NUP214: variants seen among roughly 807,000 people sequenced by gnomAD.
NUP214 encodes the protein nuclear pore complex protein Nup214.
NUP214 carries 79 observed loss-of-function variants against 196.2 expected under a neutral mutation model. The observed-to-expected ratio is 0.40, with a 90% CI of 0.34 to 0.49. The LOEUF (loss-of-function observed/expected upper bound fraction) is 0.49, where lower values mean the gene tolerates loss of function less well. Among genes scored for constraint, NUP214 ranks in the 20% least tolerant of loss-of-function variants. NUP214 has a pLI of 0.58. For missense variants in NUP214, 2,468 were observed against 2,539.0 expected (o/e 0.97, Z 0.60); for synonymous variants, 1,020 against 990.5 (o/e 1.03, Z -0.56).
rs142720685 is a variant in NUP214, at chr9:131,197,548, G to A, written c.4054G>A (p.Ala1352Thr). ...TGATTCTACAAAACCAACCAATAAGGCTTCATCCACAAGCCTAACTAGTAC... is the reference window on the plus strand; with the variant it reads ...TGATTCTACAAAACCAACCAATAAGACTTCATCCACAAGCCTAACTAGTAC... Reference protein sequence around the residue: ...ADDSTKPTNKASSTSLTSTQP... With the variant: ...ADDSTKPTNKTSSTSLTSTQP... Residue 1352 changes from alanine to threonine, a missense_variant, in exon 29 of 36, where the codon GCT becomes ACT. Physicochemically the swap from Ala to Thr is moderately conservative, Grantham distance 58 (BLOSUM62 0). Around this residue, in one of 5 missense-constraint regions of NUP214, gnomAD observed 1,801 missense variants for 1,779.4 expected, o/e 1.01. Coordinates refer to ENST00000359428, the MANE Select transcript of NUP214 (RefSeq NM_005085.4). The A allele has an allele frequency of 1.2e-6, 2 of 1,614,040 alleles. No individual in the cohort carries two copies. The highest frequency in any genetic ancestry group is 2.7e-5 in the African/African-American group (2 of 74,926).
Position 131,234,273 on chromosome 9 carries a change from AACC to A in NUP214, c.*789_*791del, listed in dbSNP as rs1330514549. 1 of 232,732 alleles carries A rather than the reference AACC, an allele frequency of 4.3e-6. No homozygotes were observed. The highest frequency in any genetic ancestry group is 8.5e-6 in the Non-Finnish European group (1 of 117,796). 14.4% of individuals were successfully genotyped at this position (232,732 alleles called of 1,614,324 possible). A position where few individuals can be genotyped will look rare whatever the true frequency, so the allele number is the denominator to read the frequency against. ...TAGCCACACCTACCCAGTGTCTACT[AACC>A]ACAGTGCAGATAGCCCTTGGGTAGA... On this transcript the variant is annotated 3_prime_UTR_variant, in exon 36 of 36. Coordinates refer to ENST00000359428, the MANE Select transcript of NUP214 (RefSeq NM_005085.4).
intron 18 of NUP214, among the ~76,000 whole-genome samples, chr9:131,159,941 T>C (rs1277022506): frequency 6.6e-6 from 1 of 152,138 alleles, no homozygotes; most frequent in East Asian, 1.9e-4. Flanking sequence ...TATTTTTCTA[T>C]AGAAACAACA....
intron 28 of NUP214, among the ~76,000 whole-genome samples, chr9:131,196,368 G>C (rs1284323320): frequency 6.6e-6 from 1 of 152,014 alleles, no homozygotes; most frequent in Non-Finnish European, 1.5e-5. Context: ...CATGTTGATT[G>C]ATCAGGCTGG....
intron 18 of NUP214, among the ~76,000 whole-genome samples, chr9:131,160,576 GA>G (rs1832602493): frequency 9.9e-5 from 15 of 152,212 alleles, no homozygotes; most frequent in Admixed American, 9.8e-4. Context: ...TGAAATGTTA[GA>G]TTTCTGAAAC....
At chr9:131,216,806 C>T (rs549523660) in intron 31 of NUP214, among the ~76,000 whole-genome samples, 15 of 152,280 alleles carry the variant, frequency 9.9e-5, no homozygotes, top group Non-Finnish European at 1.6e-4. Flanking sequence ...GGATTACAGG[C>T]GTGAGCCACC....
rs78431007 is a variant in NUP214 at position 131,129,575 on chromosome 9, G to A, written c.592+98G>A. On this transcript the variant is annotated intron_variant, in intron 4 of 35. Coordinates refer to ENST00000359428, the MANE Select transcript of NUP214 (RefSeq NM_005085.4). ...AAAGTGGATAGCTTTTTGTGTTTTGGTTTTTTTTTTCATGACGAGGGAGGT... is the reference window on the plus strand; with the variant it reads ...AAAGTGGATAGCTTTTTGTGTTTTGATTTTTTTTTTCATGACGAGGGAGGT... 1.8e-4 allele frequency: 193 copies of A among 1,061,808 alleles called. 1 individual carries two copies. The East Asian group carries it at 4.5e-3, about 25-fold the overall frequency. The allele number at this position is 1,061,808 out of a possible 1,614,324, so 65.8% of individuals were successfully genotyped here.
intron 26 of NUP214, chr9:131,190,349 AAGGAACTT>A (rs1833564320): frequency 1.9e-5 from 12 of 619,878 alleles, no homozygotes; most frequent in Admixed American, 9.3e-5. Flanking sequence ...AAAGAAACCT[AAGGAACTT>A]TGCTTTATGC....
intron 7 of NUP214, chr9:131,133,718 G>A (rs1831631667): frequency 6.6e-6 from 1 of 152,106 alleles, no homozygotes; most frequent in African/African-American, 2.4e-5. Context: ...ATGTTCTACT[G>A]TTATGAGGTT....
At chr9:131,185,093 C>T (rs562431678) in intron 24 of NUP214, among the ~76,000 whole-genome samples, 1 of 152,296 alleles carries the variant, frequency 6.6e-6, no homozygotes, top group East Asian at 1.9e-4. Flanking sequence ...AGGCTTTTTA[C>T]AACAATGGGA....
At chr9:131,199,045 T>A in intron 29 of NUP214, 30 bp downstream of exon 29, 1 of 1,550,694 alleles carries the variant, frequency 6.4e-7, no homozygotes, top group Non-Finnish European at 8.7e-7. Flanking sequence ...TTTTACTTGT[T>A]TCCCTCTCTG....
chr9:131,206,580 T>C (rs1303705928), intron 30 of NUP214, among the ~76,000 whole-genome samples: 1 of 151,960 alleles, frequency 6.6e-6, no homozygotes, highest in Non-Finnish European at 1.5e-5. Context: ...AATAGCTAGG[T>C]CCACAGGTGC....
intron 30 of NUP214, among the ~76,000 whole-genome samples, chr9:131,203,317 T>C (rs959595986): frequency 2.0e-5 from 3 of 152,168 alleles, no homozygotes; most frequent in Non-Finnish European, 4.4e-5. Context: ...GCGATTATTA[T>C]CGCCATTTAA....
At chr9:131,159,627 G>T (rs1326981197) in intron 18 of NUP214, 141 bp downstream of exon 18, 4 of 697,228 alleles carry the variant, frequency 5.7e-6, no homozygotes, top group Non-Finnish European at 9.9e-6. Flanking sequence ...GCAGGCCGAG[G>T]CGAGTGGATC....
chr9:131,186,160 A>G (rs1259051210), intron 24 of NUP214, among the ~76,000 whole-genome samples: 1 of 152,196 alleles, frequency 6.6e-6, no homozygotes, highest in African/African-American at 2.4e-5. Flanking sequence ...TGACGGGGGA[A>G]CACTGTATCT....
At chr9:131,192,108 T>C in intron 26 of NUP214, 100 bp from the exon 27 acceptor site, 1 of 786,500 alleles carries the variant, frequency 1.3e-6, no homozygotes. Flanking sequence ...AAGCAGCACC[T>C]CACAGGCTGA....
At chr9:131,178,636 G>T (rs1322959780) in intron 24 of NUP214, among the ~76,000 whole-genome samples, 1 of 151,712 alleles carries the variant, frequency 6.6e-6, no homozygotes, top group Non-Finnish European at 1.5e-5. Flanking sequence ...TTGTCTTGAT[G>T]CTGTATGCTC....
At chr9:131,201,574 A>AAT in intron 29 of NUP214, 73 bp from the exon 30 acceptor site, 1 of 1,313,312 alleles carries the variant, frequency 7.6e-7, no homozygotes, top group Non-Finnish European at 1.1e-6. Context: ...AAAAAAAAAA[A>AAT]ACAACAAAAC....
At position 131,198,867 on chromosome 9, in the gene NUP214, C is replaced by G; in HGVS notation, c.5373C>G (p.Pro1791=). Residue 1791 remains proline (P), a synonymous_variant, in exon 29 of 36, where the codon CCC becomes CCG. Transcript: ENST00000359428. ...SSSFSFGQSS[P]NTGGGLFGQS... is the part of the protein sequence containing the mutation. ...CCTTCTCATTTGGACAGTCTTCTCC[C>G]AACACAGGAGGGGGGCTGTTTGGCC... 6.2e-7 allele frequency: 1 copy of G among 1,614,184 alleles called. No homozygotes were observed. Among genetic ancestry groups the G allele is most frequent in the Non-Finnish European group, 8.5e-7 (1 of 1,180,042 alleles).
intron 25 of NUP214, among the ~76,000 whole-genome samples, chr9:131,187,693 T>G (rs1187809964): frequency 6.6e-6 from 1 of 152,212 alleles, no homozygotes; most frequent in African/African-American, 2.4e-5. Context: ...GGCCTGAGTT[T>G]TACTTTTAAC....
Sources: allele counts gnomAD v4.1 joint callset (sites outside exome capture counted in the v4.1 genomes callset), GRCh38; gene constraint gnomAD v4.1.1; regional missense constraint gnomAD v4.1.1; transcripts MANE v1.5; gene names NCBI Gene and HGNC (gene_info 2026-07-23, HGNC 2026-07-21).